The following AUTS2 variants were observed in gnomAD, a reference collection of about 807,000 sequenced individuals.
AUTS2 encodes activator of transcription and developmental regulator AUTS2.
A neutral mutation model predicts 112.4 loss-of-function variants in AUTS2; 17 were observed. The ratio of observed to expected loss-of-function variants is 0.15; its 90% CI spans 0.10 to 0.23. The LOEUF (loss-of-function observed/expected upper bound fraction) is 0.23. AUTS2 is among the 10% of genes least tolerant of loss of function. The probability of loss-of-function intolerance (pLI) is 1.00; values close to 1 mark genes in which losing one functional copy is unlikely to be tolerated. For synonymous variants in AUTS2, 751 were observed against 702.7 expected (o/e 1.07, Z -1.09); for missense variants, 1,510 against 1,701.6 (o/e 0.89, Z 1.98).
intron 5 of AUTS2, among the ~76,000 whole-genome samples, chr7:70,683,599 T>A (rs1808314598): frequency 6.6e-6 from 1 of 152,226 alleles, no homozygotes; most frequent in African/African-American, 2.4e-5. Context: ...ATGTTTCCAT[T>A]AGGAAGCATT....
At chr7:69,688,866 A>G (rs1366779221) in intron 1 of AUTS2, among the ~76,000 whole-genome samples, 1 of 152,224 alleles carries the variant, frequency 6.6e-6, no homozygotes, top group East Asian at 1.9e-4. Context: ...TCAACAATAC[A>G]TATTTTATAT....
At chr7:69,605,516 A>C (rs1184693113) in intron 1 of AUTS2, among the ~76,000 whole-genome samples, 1 of 152,134 alleles carries the variant, frequency 6.6e-6, no homozygotes, top group East Asian at 1.9e-4. Flanking sequence ...CCAATGTTTT[A>C]TCCTCTTTGT....
intron 1 of AUTS2, among the ~76,000 whole-genome samples, chr7:69,625,005 C>T (rs1028029455): frequency 1.3e-5 from 2 of 148,188 alleles, no homozygotes; most frequent in African/African-American, 2.5e-5. Context: ...ATTATCTGAC[C>T]TCTGCTTTCA....
chr7:70,464,115 G>T (rs1196635780), intron 5 of AUTS2, among the ~76,000 whole-genome samples: 2 of 152,196 alleles, frequency 1.3e-5, no homozygotes, highest in African/African-American at 4.8e-5. Context: ...CTGTGACCCT[G>T]AGGTAAGCTC....
intron 2 of AUTS2, among the ~76,000 whole-genome samples, chr7:70,050,206 A>G (rs1801683885): frequency 6.6e-6 from 1 of 151,396 alleles, no homozygotes; most frequent in Non-Finnish European, 1.5e-5. Context: ...AAAATACAAA[A>G]ATTAGCCAGG....
chr7:70,001,442 G>T (rs1172055107), intron 2 of AUTS2, among the ~76,000 whole-genome samples: 1 of 151,948 alleles, frequency 6.6e-6, no homozygotes, highest in Non-Finnish European at 1.5e-5. Context: ...TTCTGATAAA[G>T]ACTATAAAGG....
intron 4 of AUTS2, among the ~76,000 whole-genome samples, chr7:70,250,986 C>T (rs1009841527): frequency 6.6e-6 from 1 of 152,146 alleles, no homozygotes; most frequent in Admixed American, 6.5e-5. Context: ...TATAACAAAC[C>T]TGCACATGTA....
At chr7:70,579,659 C>T (rs1337963075) in intron 5 of AUTS2, among the ~76,000 whole-genome samples, 1 of 152,136 alleles carries the variant, frequency 6.6e-6, no homozygotes, top group Non-Finnish European at 1.5e-5. Flanking sequence ...GCTTTCCTTC[C>T]AGTGGTTTGT....
chr7:70,044,423 C>A (rs968724645), intron 2 of AUTS2, among the ~76,000 whole-genome samples: 1 of 152,122 alleles, frequency 6.6e-6, no homozygotes, highest in Non-Finnish European at 1.5e-5. Context: ...TCCTTCCCCC[C>A]ACCCTCTGCC....
chr7:70,781,646 A>C lies in AUTS2; in HGVS notation c.2036A>C (p.Asp679Ala). 2 of 1,614,080 alleles carry C rather than the reference A, an allele frequency of 1.2e-6. No homozygotes were observed. The highest frequency in any genetic ancestry group is 1.7e-6 in the Non-Finnish European group (2 of 1,180,016). Residue 679 changes from aspartate to alanine, a missense_variant, in exon 15 of 19, where the codon GAC becomes GCC. By Grantham distance (126) the Asp-to-Ala change is moderately radical (BLOSUM62 -2). Around this residue, in one of 3 missense-constraint regions of AUTS2, gnomAD observed 187 missense variants for 309.7 expected, o/e 0.60. Coordinates refer to ENST00000342771, the MANE Select transcript of AUTS2 (RefSeq NM_015570.4). ...KQMQSDPHKL[D>A]FGLKPEFLSR... is the part of the protein sequence containing the mutation. ...ATGCAGTCAGACCCACATAAGCTGGACTTTGGACTGAAACCTGAGTTCCTG... is the reference window on the plus strand; with the variant it reads ...ATGCAGTCAGACCCACATAAGCTGGCCTTTGGACTGAAACCTGAGTTCCTG...
intron 6 of AUTS2, among the ~76,000 whole-genome samples, chr7:70,756,656 T>C (rs886636026): frequency 1.1e-4 from 17 of 152,016 alleles, no homozygotes; most frequent in African/African-American, 3.4e-4. Flanking sequence ...TCTAGAATGG[T>C]ATCTAAATAC....
At chr7:70,278,581 A>G (rs1261102194) in intron 4 of AUTS2, among the ~76,000 whole-genome samples, 1 of 30,074 alleles carries the variant, frequency 3.3e-5, no homozygotes, top group Non-Finnish European at 6.7e-5. Flanking sequence ...TCTCTCAAAA[A>G]CATACATACA....
At chr7:70,763,979 A>C (rs958743885) in intron 7 of AUTS2, among the ~76,000 whole-genome samples, 1 of 152,206 alleles carries the variant, frequency 6.6e-6, no homozygotes, top group African/African-American at 2.4e-5. Flanking sequence ...AAAAAGCAGC[A>C]CAGAGGAACA....
At chr7:69,649,841 C>T (rs1019484311) in intron 1 of AUTS2, among the ~76,000 whole-genome samples, 15 of 152,120 alleles carry the variant, frequency 9.9e-5, no homozygotes, top group Non-Finnish European at 2.1e-4. Flanking sequence ...AAGAGTGACT[C>T]TCAGCAAAAT....
intron 2 of AUTS2, among the ~76,000 whole-genome samples, chr7:69,923,575 T>A (rs1276396532): frequency 2.0e-5 from 3 of 152,198 alleles, no homozygotes; most frequent in African/African-American, 7.2e-5. Context: ...AATATTGAGT[T>A]TTCAACTCTC....
intron 1 of AUTS2, among the ~76,000 whole-genome samples, chr7:69,737,725 A>G (rs376527480): frequency 3.3e-4 from 51 of 152,300 alleles, no homozygotes; most frequent in African/African-American, 1.2e-3. Context: ...TGTTTTGCTC[A>G]TCCATCCTGT....
intron 4 of AUTS2, among the ~76,000 whole-genome samples, chr7:70,193,011 G>A (rs762455816): frequency 2.0e-5 from 3 of 152,196 alleles, no homozygotes; most frequent in Non-Finnish European, 4.4e-5. Context: ...CAGTATGTGC[G>A]AAGAGAGAAG....
At chr7:69,655,688 G>T (rs892169186) in intron 1 of AUTS2, among the ~76,000 whole-genome samples, 6 of 152,186 alleles carry the variant, frequency 3.9e-5, no homozygotes, top group African/African-American at 1.4e-4. Flanking sequence ...TCTCTGTCTA[G>T]TGGTGGGATA....
intron 5 of AUTS2, among the ~76,000 whole-genome samples, chr7:70,512,831 C>A (rs1799250848): frequency 1.4e-5 from 2 of 143,214 alleles, no homozygotes; most frequent in African/African-American, 5.2e-5. Flanking sequence ...CCAAAACTCA[C>A]TTAAAGAAAA....
Sources: allele counts gnomAD v4.1 joint callset (sites outside exome capture counted in the v4.1 genomes callset), GRCh38; gene constraint gnomAD v4.1.1; regional missense constraint gnomAD v4.1.1; transcripts MANE v1.5; gene names NCBI Gene and HGNC (gene_info 2026-07-23, HGNC 2026-07-21).